The following SMIM41 variants were observed in gnomAD, a reference collection of about 807,000 sequenced individuals.
SMIM41 encodes small integral membrane protein 41.
intron 2 of SMIM41, among the ~76,000 whole-genome samples, chr12:52,106,264 A>G (rs1940336920): frequency 1.3e-5 from 2 of 152,224 alleles, no homozygotes; most frequent in Admixed American, 6.5e-5. Context: ...GTAAACATCT[A>G]TGTGAATTAT....
chr12:52,106,773 A>C (rs1940348217), intron 2 of SMIM41, among the ~76,000 whole-genome samples: 1 of 152,252 alleles, frequency 6.6e-6, no homozygotes, highest in South Asian at 2.1e-4. Flanking sequence ...AGAAAACATA[A>C]TGATGAAATC....
At chr12:52,085,211 T>G (rs1204972706) in intron 2 of SMIM41, among the ~76,000 whole-genome samples, 1 of 152,184 alleles carries the variant, frequency 6.6e-6, no homozygotes, top group South Asian at 2.1e-4. Context: ...CAGGGCTCCA[T>G]GGTGGGAGCA....
At chr12:52,094,663 C>T (rs1940059974) in intron 2 of SMIM41, 1 of 152,858 alleles carries the variant, frequency 6.5e-6, no homozygotes, top group Admixed American at 6.5e-5. Flanking sequence ...GCTCCTCCCT[C>T]CTGCTGTGCT....
chr12:52,079,970 G>C lies in SMIM41; in HGVS notation c.191G>C (p.Gly64Ala). The C allele has an allele frequency of 5.2e-6, 2 of 382,916 alleles. No homozygotes were observed. Among genetic ancestry groups the C allele is most frequent in the Non-Finnish European group, 9.3e-6 (2 of 215,906 alleles). 23.7% of individuals were successfully genotyped at this position (382,916 alleles called of 1,614,324 possible). The change falls in exon 1 of 3, where the codon GGC becomes GCC. Residue 64 changes from glycine (G) to alanine (A), a missense_variant. Coordinates refer to ENST00000546390, the MANE Select transcript of SMIM41 (RefSeq NM_001369216.1). The stretch of plus-strand genomic sequence containing the variant: ...GGCGGCCTCCTCCTCCGCGCCCAGG[G>C]CCTGACAGCGCTGCTGACCCGCGAG... ...LGGGLLLRAQ[G>A]LTALLTREQR...
At position 52,095,468 on chromosome 12, in the gene SMIM41, G is replaced by A. The variant is rs1470398552; in HGVS notation, c.*195+11500G>A. Among the ~76,000 whole-genome samples the A allele has an allele frequency of 5.3e-5, 8 of 152,238 alleles. No homozygotes were observed. The East Asian group carries it at 1.5e-3, about 29-fold the overall frequency. On this transcript the variant is annotated intron_variant, in intron 2 of 2. Coordinates refer to ENST00000546390, the MANE Select transcript of SMIM41 (RefSeq NM_001369216.1). Reference sequence around the variant, plus strand: ...ATTACCAACTATATCACAGATGGGTGTATATCCTCTGCAGTATTTGCAGTA... The same window carrying A: ...ATTACCAACTATATCACAGATGGGTATATATCCTCTGCAGTATTTGCAGTA...
intron 2 of SMIM41, among the ~76,000 whole-genome samples, chr12:52,102,501 A>G (rs1940236911): frequency 6.6e-6 from 1 of 152,254 alleles, no homozygotes; most frequent in South Asian, 2.1e-4. Context: ...GCTGATATCC[A>G]TCATATATAA....
chr12:52,096,297 C>T (rs1940092550), intron 2 of SMIM41, among the ~76,000 whole-genome samples: 1 of 152,072 alleles, frequency 6.6e-6, no homozygotes, highest in East Asian at 1.9e-4. Flanking sequence ...GGTGGATGTA[C>T]ACCCACTGCT....
chr12:52,103,408 G>A (rs547985724), intron 2 of SMIM41, among the ~76,000 whole-genome samples: 14 of 150,848 alleles, frequency 9.3e-5, no homozygotes, highest in Middle Eastern at 3.5e-3. Flanking sequence ...TCTGACACAG[G>A]CTGCAACATG....
rs1939853340 is a variant in SMIM41 at position 52,083,909 on chromosome 12, A to AAGAGGAGAGGAGAGAAGAGAAGAAG, written c.*146_*170dup. 1 of 152,148 alleles carries AAGAGGAGAGGAGAGAAGAGAAGAAG rather than the reference A, an allele frequency of 6.6e-6. No homozygotes were observed. The highest frequency in any genetic ancestry group is 2.1e-4 in the South Asian group (1 of 4,814). The allele number at this position is 152,148 out of a possible 1,614,324, so 9.4% of individuals were successfully genotyped here. A position where few individuals can be genotyped will look rare whatever the true frequency, so the allele number is the denominator to read the frequency against. ...CCATTCCTAGAGAGGAGAAGAAGAG[A>AAGAGGAGAGGAGAGAAGAGAAGAAG]AGAGGAGAGGAGAGAAGAGAAGAAG... On this transcript the variant is annotated 3_prime_UTR_variant, in exon 2 of 3. Transcript: ENST00000546390.
chr12:52,082,135 G>C (rs1007664739), intron 1 of SMIM41: 2 of 152,498 alleles, frequency 1.3e-5, no homozygotes, highest in East Asian at 1.9e-4. Context: ...CTGAACCTGA[G>C]GGGGGATGGG....
At chr12:52,087,276 C>T (rs1283943328) in intron 2 of SMIM41, among the ~76,000 whole-genome samples, 1 of 152,236 alleles carries the variant, frequency 6.6e-6, no homozygotes, top group Non-Finnish European at 1.5e-5. Flanking sequence ...CTGTCACGTC[C>T]AAGCATACTC....
chr12:52,090,557 G>A (rs975495460), intron 2 of SMIM41, among the ~76,000 whole-genome samples: 1 of 152,220 alleles, frequency 6.6e-6, no homozygotes, highest in Non-Finnish European at 1.5e-5. Flanking sequence ...GCTGCGGTGA[G>A]TGAGCAGGGA....
chr12:52,101,698 AT>A (rs1940219537), intron 2 of SMIM41, among the ~76,000 whole-genome samples: 2 of 151,838 alleles, frequency 1.3e-5, no homozygotes, highest in African/African-American at 4.8e-5. Flanking sequence ...TGCTCTTGAA[AT>A]CATGCTGTTT....
At chr12:52,104,689 C>T (rs1940295663) in intron 2 of SMIM41, among the ~76,000 whole-genome samples, 1 of 151,972 alleles carries the variant, frequency 6.6e-6, no homozygotes, top group African/African-American at 2.4e-5. Context: ...GGGGCGGTCT[C>T]AGAAATCTTA....
chr12:52,096,645 A>C (rs1317845711), intron 2 of SMIM41, among the ~76,000 whole-genome samples: 2 of 151,792 alleles, frequency 1.3e-5, no homozygotes, highest in African/African-American at 4.8e-5. Context: ...CCGGTTATTA[A>C]TATCAGGCGT....
chr12:52,100,710 T>A (rs2120712576), intron 2 of SMIM41, among the ~76,000 whole-genome samples: 1 of 148,334 alleles, frequency 6.7e-6, no homozygotes, highest in African/African-American at 2.5e-5. Context: ...CGACCTCAGG[T>A]GATCCACCCA....
intron 2 of SMIM41, among the ~76,000 whole-genome samples, chr12:52,100,470 T>C (rs1398881566): frequency 2.6e-5 from 4 of 152,050 alleles, no homozygotes; most frequent in Non-Finnish European, 1.5e-5. Flanking sequence ...TTTTTTTTTT[T>C]TTTGAGGCAG....
chr12:52,103,116 A>G (rs1940253221), intron 2 of SMIM41, among the ~76,000 whole-genome samples: 1 of 152,212 alleles, frequency 6.6e-6, no homozygotes, highest in African/African-American at 2.4e-5. Context: ...ACCTGAGGTC[A>G]GGAGTTCAAG....
chr12:52,088,193 G>T (rs1179168955), intron 2 of SMIM41, among the ~76,000 whole-genome samples: 1 of 152,210 alleles, frequency 6.6e-6, no homozygotes, highest in Non-Finnish European at 1.5e-5. Flanking sequence ...GCAAATGCAT[G>T]AGGTGCCTGC....
Sources: allele counts gnomAD v4.1 joint callset (sites outside exome capture counted in the v4.1 genomes callset), GRCh38; gene constraint gnomAD v4.1.1; transcripts MANE v1.5; gene names NCBI Gene and HGNC (gene_info 2026-07-23, HGNC 2026-07-21).